NUDT17: variants seen among roughly 807,000 people sequenced by gnomAD.
NUDT17 encodes m7GpppN-mRNA hydrolase NUDT17.
NUDT17 carries 38 observed loss-of-function variants against 38.6 expected under a neutral mutation model. The ratio of observed to expected loss-of-function variants is 0.98; its 90% CI spans 0.76 to 1.29. The LOEUF (loss-of-function observed/expected upper bound fraction) is 1.29. NUDT17 is among the 50% of genes most tolerant of loss of function. The pLI, the probability that NUDT17 is intolerant of heterozygous loss-of-function variation, is 0.00. For missense variants in NUDT17, 462 were observed against 415.2 expected (o/e 1.11, Z -0.98); for synonymous variants, 192 against 167.8 (o/e 1.14, Z -1.11).
At chr1:145,848,340 G>A (rs1553733237) in intron 7 of NUDT17, 37 bp from the exon 8 acceptor site, 1 of 1,612,496 alleles carries the variant, frequency 6.2e-7, no homozygotes, top group East Asian at 2.2e-5. Flanking sequence ...ACGGGGGAAA[G>A]CAGGAAAGGA....
chr1:145,846,686 GGGA>G lies in NUDT17; in HGVS notation c.494_495+1del. 6.2e-7 allele frequency: 1 copy of G among 1,609,124 alleles called. No homozygotes were observed. The highest frequency in any genetic ancestry group is 8.5e-7 in the Non-Finnish European group (1 of 1,175,410). On this transcript the variant is annotated inframe_deletion and splice_region_variant, in exon 4 of 8. Coordinates refer to ENST00000334513, the MANE Select transcript of NUDT17 (RefSeq NM_001012758.3). The stretch of plus-strand genomic sequence containing the variant: ...TTCTCTTGGGTCCCTCTGGGTTTAT[GGGA>G]GGTGAGACAAGTAGCTGGGAGAAGC...
Position 145,848,160 on chromosome 1 carries a change from C to T in NUDT17, c.780C>T (p.His260=). 1 of 1,614,198 alleles carries T rather than the reference C, an allele frequency of 6.2e-7. No individual in the cohort carries two copies. ...EDGRARPLVL[H]MSTLLRMIPT... is the part of the protein sequence containing the mutation. ...GAAGAGCCCGACCTCTGGTCCTGCA[C>T]ATGTCCACCCTCCTGCGGATGATCC... Residue 260 remains histidine, a synonymous_variant, in exon 7 of 8, where the codon CAC becomes CAT. Coordinates refer to ENST00000334513, the MANE Select transcript of NUDT17 (RefSeq NM_001012758.3).
intron 2 of NUDT17, 99 bp from the exon 3 acceptor site, chr1:145,846,334 C>G (rs1652673663): frequency 6.6e-7 from 1 of 1,504,402 alleles, no homozygotes; most frequent in Non-Finnish European, 9.2e-7. Flanking sequence ...ACTGCAACTC[C>G]CTCTGTGTCC....
rs1038264235 is a variant in NUDT17 at position 145,846,197 on chromosome 1, G to A, written c.376+1G>A. 1.3e-6 allele frequency: 2 copies of A among 1,581,644 alleles called. No homozygotes were observed. Among genetic ancestry groups the A allele is most frequent in the Middle Eastern group, 1.7e-4 (1 of 6,046 alleles). ...TCCCCCAACCTCTGGGTACCCCCGG[G>A]TGAGTATTCTGGGGACAAGGCCCCA... On this transcript the variant is annotated splice_donor_variant, in intron 2 of 7. Transcript: ENST00000334513. LOFTEE classifies it high-confidence loss of function.
intron 2 of NUDT17, 88 bp downstream of exon 2, chr1:145,846,284 A>G: frequency 6.8e-7 from 1 of 1,481,296 alleles, no homozygotes; most frequent in Non-Finnish European, 9.3e-7. Flanking sequence ...CAGAAGGATA[A>G]AGTGGGCCCC....
At chr1:145,846,258 A>C in intron 2 of NUDT17, 62 bp downstream of exon 2, 1 of 1,518,690 alleles carries the variant, frequency 6.6e-7, no homozygotes, top group Non-Finnish European at 9.0e-7. Flanking sequence ...CCCCGCAACA[A>C]TGTTTTTCCC....
intron 6 of NUDT17, 104 bp downstream of exon 6, chr1:145,847,823 G>C (rs587604350): frequency 8.3e-7 from 1 of 1,203,000 alleles, no homozygotes. Flanking sequence ...TTGTGGGGGA[G>C]ATTTAAGGAG....
intron 5 of NUDT17, 67 bp from the exon 6 acceptor site, chr1:145,847,516 G>A: frequency 6.3e-7 from 1 of 1,594,374 alleles, no homozygotes; most frequent in African/African-American, 1.3e-5. Context: ...CCTGCGGGTA[G>A]GTTTTGATCA....
intron 4 of NUDT17, 36 bp downstream of exon 4, chr1:145,846,726 T>C: frequency 7.1e-7 from 1 of 1,414,922 alleles, no homozygotes; most frequent in South Asian, 1.1e-5. Flanking sequence ...CCTCCATAGA[T>C]CAGCCCCTAC....
chr1:145,847,782 G>A (rs1235338528), intron 6 of NUDT17, 63 bp downstream of exon 6: 34 of 1,543,706 alleles, frequency 2.2e-5, no homozygotes, highest in Non-Finnish European at 2.7e-5. Flanking sequence ...GAAGTTCAGC[G>A]TCTATCCTGT....
intron 3 of NUDT17, 27 bp from the exon 4 acceptor site, chr1:145,846,571 C>G (rs781884288): frequency 5.6e-6 from 9 of 1,611,072 alleles, no homozygotes; most frequent in Admixed American, 1.7e-5. Context: ...GCACTGGCCC[C>G]TCTGATGTGT....
Position 145,848,124 on chromosome 1 carries a change from AGAG to A in NUDT17, c.750_752del (p.Glu250del), listed in dbSNP as rs782009561. ...TGTCACCATGCAGTGCAGTGGAACTAGAGGAGGATGGAAGAGCCCGACCTCTGG... is the reference window on the plus strand; with the variant it reads ...TGTCACCATGCAGTGCAGTGGAACTAGAGGATGGAAGAGCCCGACCTCTGG... On this transcript the variant is annotated inframe_deletion, in exon 7 of 8. Transcript: ENST00000334513. The A allele has an allele frequency of 7.4e-6, 12 of 1,613,556 alleles. No individual in the cohort carries two copies. In the South Asian group the frequency reaches 1.2e-4, roughly 16 times the overall value.
At position 145,846,169 on chromosome 1, in the gene NUDT17, G is replaced by A; in HGVS notation, c.349G>A (p.Val117Ile). The A allele has an allele frequency of 6.3e-7, 1 of 1,593,820 alleles. No homozygotes were observed. The highest frequency in any genetic ancestry group is 8.5e-7 in the Non-Finnish European group (1 of 1,170,334). Reference protein sequence around the residue: ...LLTRRARTLSVSPNLWVPPGG... With the variant: ...LLTRRARTLSISPNLWVPPGG... Reference sequence around the variant, plus strand: ...AACCCGAAGGGCACGCACCCTGAGCGTTTCCCCCAACCTCTGGGTACCCCC... The same window carrying A: ...AACCCGAAGGGCACGCACCCTGAGCATTTCCCCCAACCTCTGGGTACCCCC... The change falls in exon 2 of 8, where the codon GTT (valine) becomes ATT (isoleucine). Residue 117 changes from valine to isoleucine, a missense_variant. Transcript: ENST00000334513.
rs201111016 is a variant in NUDT17, at chr1:145,848,332, G to A, written c.885-45G>A. On this transcript the variant is annotated intron_variant, in intron 7 of 7. Transcript: ENST00000334513. ...GGAATGGTCTAGTTTTTACAGGCAC[G>A]GGGGAAAGCAGGAAAGGACAACCTC... The A allele has an allele frequency of 6.2e-5, 100 of 1,611,954 alleles. 1 individual carries two copies. In the East Asian group the frequency reaches 1.7e-3, roughly 28 times the overall value.
In NUDT17 at chr1:145,845,801, T is replaced by TC. The variant is rs1553732151; in HGVS notation, c.164dup (p.Gly56ArgfsTer5). 1.3e-6 allele frequency: 2 copies of TC among 1,597,850 alleles called. No individual in the cohort carries two copies. The highest frequency in any genetic ancestry group is 1.7e-5 in the Admixed American group (1 of 57,754). ...CGGCTTGTCCTCTCGAGCAGGCCCT[T>TC]CCCAGGCGCCTCCGCTAGGCTTCCG... On this transcript the variant is annotated frameshift_variant, in exon 1 of 8. Coordinates refer to ENST00000334513, the MANE Select transcript of NUDT17 (RefSeq NM_001012758.3). LOFTEE classifies it high-confidence loss of function.
chr1:145,848,697 G>T lies in NUDT17; in HGVS notation c.*218G>T. 1.9e-6 allele frequency: 1 copy of T among 524,714 alleles called. No individual in the cohort carries two copies. The allele number at this position is 524,714 out of a possible 1,614,324, so 32.5% of individuals were successfully genotyped here. A position where few individuals can be genotyped will look rare whatever the true frequency, so the allele number is the denominator to read the frequency against. ...CAGAATGAGCCAGGCCTAACTACAG[G>T]GCCATGAGCCTCTAGAAGCTTAGGG... On this transcript the variant is annotated 3_prime_UTR_variant, in exon 8 of 8. Transcript: ENST00000334513.
rs781948166 is a variant in NUDT17, at chr1:145,848,168, C to T, written c.788C>T (p.Thr263Ile). 27 of 1,614,158 alleles carry T rather than the reference C, an allele frequency of 1.7e-5. No homozygotes were observed. Among genetic ancestry groups the T allele is most frequent in the East Asian group, 2.2e-5 (1 of 44,890 alleles). The change falls in exon 7 of 8, where the codon ACC becomes ATC. Residue 263 changes from threonine (T) to isoleucine (I), a missense_variant. Physicochemically the swap from Thr to Ile is moderately conservative, Grantham distance 89 (BLOSUM62 -1). Transcript: ENST00000334513. ...CGACCTCTGGTCCTGCACATGTCCA[C>T]CCTCCTGCGGATGATCCCAACCATG... The part of the protein sequence containing the change: ...RARPLVLHMS[T>I]LLRMIPTMAE...
chr1:145,847,256 T>TA lies in NUDT17; in HGVS notation c.503dup (p.Tyr168Ter), dbSNP rs1329344381. 6.3e-7 allele frequency: 1 copy of TA among 1,590,484 alleles called. No homozygotes were observed. The highest frequency in any genetic ancestry group is 8.6e-7 in the Non-Finnish European group (1 of 1,163,316). ...TGCTGTTTTCTTTTCCTAGTCTGCC[T>TA]ACCCTCCTAGGCTGAGCTGGGGTTT... ...WVPLGLWESA[Y>*]PPRLSWGLPK... The change falls in exon 5 of 8, where the codon TAC (tyrosine) becomes TAAC (stop). Residue 168 changes from tyrosine to a stop codon, truncating the protein, a stop_gained and frameshift_variant. Coordinates refer to ENST00000334513, the MANE Select transcript of NUDT17 (RefSeq NM_001012758.3). LOFTEE classifies it high-confidence loss of function.
In NUDT17 at chr1:145,848,223, A is replaced by G; in HGVS notation, c.843A>G (p.Gly281=). The part of the protein sequence containing the change: ...MAEDKERVST[G]TKFALKLWLQ... ...AGGACAAAGAGAGAGTCAGCACTGG[A>G]ACCAAGTTTGCCCTCAAGCTCTGGC... Residue 281 remains glycine (G), a synonymous_variant, in exon 7 of 8, where the codon GGA becomes GGG. Coordinates refer to ENST00000334513, the MANE Select transcript of NUDT17 (RefSeq NM_001012758.3). 1 of 1,614,212 alleles carries G rather than the reference A, an allele frequency of 6.2e-7. No individual in the cohort carries two copies. The highest frequency in any genetic ancestry group is 1.1e-5 in the South Asian group (1 of 91,090).
Sources: gnomAD v4.1 joint callset for allele counts on GRCh38, gnomAD v4.1.1 for gene constraint, MANE v1.5 for transcripts, NCBI Gene and HGNC (gene_info 2026-07-23, HGNC 2026-07-21) for gene names.